CCDC178: variants seen among roughly 807,000 people sequenced by gnomAD.
The protein encoded by CCDC178 is coiled-coil domain containing 178.
CCDC178 carries 126 observed loss-of-function variants against 117.4 expected under a neutral mutation model. The ratio of observed to expected loss-of-function variants is 1.07; its 90% confidence interval spans 0.93 to 1.24. The LOEUF (loss-of-function observed/expected upper bound fraction) is 1.24, where lower values mean the gene tolerates loss of function less well. Among genes scored for constraint, CCDC178 ranks in the 50% most tolerant of loss-of-function variants. CCDC178 has a pLI of 0.00. For missense variants in CCDC178, 1,030 were observed against 986.9 expected, an observed-to-expected ratio of 1.04 and a Z score of -0.59; for synonymous variants, 283 against 313.4, an observed-to-expected ratio of 0.90 and a Z score of 1.02.
chr18:33,286,121 G>A (rs2060096586), intron 12 of CCDC178, among the ~76,000 whole-genome samples: 2 of 151,646 alleles, frequency 1.3e-5, no homozygotes, highest in South Asian at 4.2e-4. Context: ...CTACAGGTGT[G>A]CACCACCACA....
chr18:33,096,124 C>T (rs112437489), intron 20 of CCDC178, among the ~76,000 whole-genome samples: 3 of 150,822 alleles, frequency 2.0e-5, no homozygotes, highest in African/African-American at 7.3e-5. Context: ...CCACCCCCCC[C>T]ACTTGACTTT....
chr18:33,388,560 C>A (rs1414606947), intron 5 of CCDC178, among the ~76,000 whole-genome samples: 4 of 95,532 alleles, frequency 4.2e-5, no homozygotes, highest in Non-Finnish European at 7.5e-5. Context: ...CGCTCTGTCG[C>A]CCAGGCTGGA....
chr18:33,284,577 G>A (rs1464281984), intron 12 of CCDC178, among the ~76,000 whole-genome samples: 1 of 152,044 alleles, frequency 6.6e-6, no homozygotes, highest in Admixed American at 6.5e-5. Flanking sequence ...GACTACATCT[G>A]GATGGTGTTA....
intron 11 of CCDC178, among the ~76,000 whole-genome samples, chr18:33,305,125 G>A (rs2062230386): frequency 6.6e-6 from 1 of 152,086 alleles, no homozygotes; most frequent in Non-Finnish European, 1.5e-5. Context: ...TAATCAAACT[G>A]GTGACCCAGC....
chr18:33,384,787 A>G (rs1292260814), intron 5 of CCDC178, among the ~76,000 whole-genome samples: 1 of 152,210 alleles, frequency 6.6e-6, no homozygotes, highest in African/African-American at 2.4e-5. Flanking sequence ...CAACAACTCT[A>G]TGAAGCAACT....
intron 22 of CCDC178, among the ~76,000 whole-genome samples, chr18:32,940,451 G>A (rs1311561071): frequency 6.6e-6 from 1 of 151,744 alleles, no homozygotes; most frequent in Non-Finnish European, 1.5e-5. Flanking sequence ...CCTAGATTAG[G>A]ATTCTATTTT....
chr18:32,956,942 T>C (rs946685012), intron 22 of CCDC178: 5 of 152,124 alleles, frequency 3.3e-5, no homozygotes, highest in Admixed American at 2.0e-4. Context: ...TTTAGAATCT[T>C]CCAGGATAAA....
intron 15 of CCDC178, among the ~76,000 whole-genome samples, chr18:33,236,483 T>C (rs1332038292): frequency 2.6e-5 from 4 of 152,162 alleles, no homozygotes; most frequent in Non-Finnish European, 5.9e-5. Flanking sequence ...TGATTAACCA[T>C]TGGGAATGGT....
intron 22 of CCDC178, among the ~76,000 whole-genome samples, chr18:32,943,080 G>C (rs2144593749): frequency 6.6e-6 from 1 of 152,314 alleles, no homozygotes; most frequent in East Asian, 1.9e-4. Flanking sequence ...GGGGATATTG[G>C]AAGGAGAATC....
intron 3 of CCDC178, among the ~76,000 whole-genome samples, chr18:33,407,761 A>G (rs1007226614): frequency 6.6e-6 from 1 of 152,036 alleles, no homozygotes; most frequent in African/African-American, 2.4e-5. Flanking sequence ...AGAAAGCTTG[A>G]GTAGTACTAA....
intron 14 of CCDC178, among the ~76,000 whole-genome samples, chr18:33,265,113 T>TA (rs35714769): frequency 6.6e-6 from 1 of 152,108 alleles, no homozygotes; most frequent in Middle Eastern, 3.2e-3. Context: ...CCAACATCCT[T>TA]AAAAAAGTAT....
chr18:33,337,107 CT>C (rs2062751034), intron 9 of CCDC178, among the ~76,000 whole-genome samples: 1 of 146,018 alleles, frequency 6.8e-6, no homozygotes, highest in East Asian at 2.0e-4. Flanking sequence ...TTGCAGAGGT[CT>C]TTCACATCCT....
At chr18:33,124,372 C>T (rs1053760475) in intron 20 of CCDC178, among the ~76,000 whole-genome samples, 17 of 152,062 alleles carry the variant, frequency 1.1e-4, no homozygotes, top group African/African-American at 3.4e-4. Context: ...GTCCTGATTC[C>T]GGGGCCATGG....
chr18:33,183,470 T>C (rs1217562611), intron 20 of CCDC178, among the ~76,000 whole-genome samples: 2 of 152,034 alleles, frequency 1.3e-5, no homozygotes, highest in Admixed American at 1.3e-4. Flanking sequence ...AATTTCAGAC[T>C]AGCAGGTTTT....
chr18:33,357,058 A>G (rs2063067395), intron 6 of CCDC178, among the ~76,000 whole-genome samples: 1 of 151,726 alleles, frequency 6.6e-6, no homozygotes, highest in Non-Finnish European at 1.5e-5. Flanking sequence ...TCTTTCAACC[A>G]ATTACCAATC....
chr18:33,287,199 A>T (rs2060108835), intron 12 of CCDC178, among the ~76,000 whole-genome samples: 1 of 152,206 alleles, frequency 6.6e-6, no homozygotes, highest in African/African-American at 2.4e-5. Context: ...ATGTGCAATT[A>T]GGCAGCACAA....
At chr18:33,221,606 A>C (rs1245335780) in intron 18 of CCDC178, among the ~76,000 whole-genome samples, 1 of 152,084 alleles carries the variant, frequency 6.6e-6, no homozygotes, top group Non-Finnish European at 1.5e-5. Flanking sequence ...AATTATTTTA[A>C]AATTATTTTT....
intron 14 of CCDC178, among the ~76,000 whole-genome samples, chr18:33,249,196 A>T (rs1490312738): frequency 6.6e-6 from 1 of 151,784 alleles, no homozygotes; most frequent in African/African-American, 2.4e-5. Flanking sequence ...GATTGCAAAA[A>T]TTTTCTCCCA....
chr18:33,242,050 AC>A (rs2059494672), intron 15 of CCDC178, among the ~76,000 whole-genome samples: 1 of 151,912 alleles, frequency 6.6e-6, no homozygotes, highest in Non-Finnish European at 1.5e-5. Context: ...ATAGCATGGT[AC>A]TGGCATAAAA....
Sources: gnomAD v4.1 joint callset for allele counts (sites outside exome capture counted in the v4.1 genomes callset) on GRCh38, gnomAD v4.1.1 for gene constraint, MANE v1.5 for transcripts, NCBI Gene and HGNC (gene_info 2026-07-23, HGNC 2026-07-21) for gene names.